The following RCAN2 variants were observed in gnomAD, a reference collection of about 807,000 sequenced individuals.
RCAN2 encodes calcipressin-2.
RCAN2 carries 9 observed loss-of-function variants against 23.6 expected under a neutral mutation model. The observed-to-expected ratio is 0.38, with a 90% CI of 0.23 to 0.67. The LOEUF (loss-of-function observed/expected upper bound fraction) is 0.67. Among genes scored for constraint, RCAN2 ranks in the 30% least tolerant of loss-of-function variants. RCAN2 has a pLI of 0.51. For missense variants in RCAN2, 273 were observed against 302.3 expected (o/e 0.90, Z 0.72); for synonymous variants, 109 against 115.7 (o/e 0.94, Z 0.37).
At chr6:46,299,933 C>T (rs1255513562) in intron 2 of RCAN2, among the ~76,000 whole-genome samples, 1 of 151,512 alleles carries the variant, frequency 6.6e-6, no homozygotes, top group Non-Finnish European at 1.5e-5. Context: ...GGTGATCATA[C>T]CAATGATATG....
intron 2 of RCAN2, among the ~76,000 whole-genome samples, chr6:46,427,522 T>C (rs73735758): frequency 0.034 from 5,220 of 152,316 alleles, 175 homozygotes; most frequent in South Asian, 0.12. Flanking sequence ...ATTTAGCAAC[T>C]ATCTTTCATC....
intron 1 of RCAN2, among the ~76,000 whole-genome samples, chr6:46,458,045 G>A (rs929004020): frequency 2.3e-4 from 35 of 152,066 alleles, no homozygotes; most frequent in African/African-American, 6.5e-4. Context: ...TAAGAGGCTC[G>A]GAAAGTGAAA....
chr6:46,433,078 GT>G (rs1431748738), intron 2 of RCAN2, among the ~76,000 whole-genome samples: 1 of 152,064 alleles, frequency 6.6e-6, no homozygotes, highest in Non-Finnish European at 1.5e-5. Flanking sequence ...ACCTCTATGT[GT>G]CATAAGAAAT....
chr6:46,491,674 T>C (rs1769160074), upstream of RCAN2, among the ~76,000 whole-genome samples: 1 of 151,114 alleles, frequency 6.6e-6, no homozygotes, highest in African/African-American at 2.4e-5. Context: ...TCCTTTCCAC[T>C]TCAGGTGCCC....
chr6:46,384,862 T>A (rs1412711402), intron 2 of RCAN2, among the ~76,000 whole-genome samples: 3 of 152,274 alleles, frequency 2.0e-5, no homozygotes, highest in Admixed American at 2.0e-4. Flanking sequence ...AATGGATATA[T>A]ACATTCGTCA....
intron 4 of RCAN2, among the ~76,000 whole-genome samples, chr6:46,241,739 C>T (rs984716002): frequency 8.5e-5 from 13 of 152,142 alleles, no homozygotes; most frequent in South Asian, 8.3e-4. Context: ...GTAGCTGTGT[C>T]GCCTTGGGCA....
chr6:46,348,579 G>T (rs1050944175), intron 2 of RCAN2, among the ~76,000 whole-genome samples: 3 of 152,104 alleles, frequency 2.0e-5, no homozygotes, highest in African/African-American at 7.2e-5. Flanking sequence ...TGGGAATCAG[G>T]GTTCAGGCTC....
At chr6:46,240,243 C>T (rs542398079) in intron 4 of RCAN2, among the ~76,000 whole-genome samples, 27 of 152,176 alleles carry the variant, frequency 1.8e-4, no homozygotes, top group Non-Finnish European at 3.5e-4. Context: ...GTAAACACTA[C>T]AATGATTCTT....
chr6:46,426,923 C>T (rs1398933482), intron 2 of RCAN2, among the ~76,000 whole-genome samples: 1 of 152,138 alleles, frequency 6.6e-6, no homozygotes, highest in Non-Finnish European at 1.5e-5. Flanking sequence ...AGTAGCAAAC[C>T]TGTATGTGAA....
intron 4 of RCAN2, among the ~76,000 whole-genome samples, chr6:46,229,925 T>G (rs1765819501): frequency 6.6e-6 from 1 of 152,222 alleles, no homozygotes; most frequent in Non-Finnish European, 1.5e-5. Context: ...ACCTTTGGTC[T>G]TTGATGATGG....
At chr6:46,424,891 C>T (rs1002514761) in intron 2 of RCAN2, among the ~76,000 whole-genome samples, 2 of 152,084 alleles carry the variant, frequency 1.3e-5, no homozygotes, top group South Asian at 2.1e-4. Flanking sequence ...ATATTGGGGG[C>T]GTGCTAGATA....
chr6:46,321,222 C>T (rs1035710009), intron 2 of RCAN2, among the ~76,000 whole-genome samples: 1 of 152,208 alleles, frequency 6.6e-6, no homozygotes, highest in African/African-American at 2.4e-5. Context: ...TGCTCTATCT[C>T]TCACTCTGCT....
intron 2 of RCAN2, among the ~76,000 whole-genome samples, chr6:46,302,968 C>T (rs1762952238): frequency 6.6e-6 from 1 of 151,984 alleles, no homozygotes; most frequent in Non-Finnish European, 1.5e-5. Context: ...TCCCAAGAGC[C>T]TCAGTCAACC....
At chr6:46,390,418 A>G (rs774379237) in intron 2 of RCAN2, among the ~76,000 whole-genome samples, 19 of 152,216 alleles carry the variant, frequency 1.2e-4, no homozygotes, top group Non-Finnish European at 2.4e-4. Context: ...TCCAAAACCC[A>G]GGGCTGAGCC....
At chr6:46,342,262 C>A (rs1764344852) in intron 2 of RCAN2, among the ~76,000 whole-genome samples, 1 of 152,112 alleles carries the variant, frequency 6.6e-6, no homozygotes, top group African/African-American at 2.4e-5. Flanking sequence ...GGCAAATGCT[C>A]TATTAAAGAA....
chr6:46,235,699 C>A (rs1001510085), intron 4 of RCAN2, among the ~76,000 whole-genome samples: 2 of 152,158 alleles, frequency 1.3e-5, no homozygotes, highest in African/African-American at 4.8e-5. Context: ...TCTCTTTCAT[C>A]ATTTGTAATC....
intron 2 of RCAN2, among the ~76,000 whole-genome samples, chr6:46,342,237 GA>G (rs543248375): frequency 6.6e-6 from 1 of 152,144 alleles, no homozygotes; most frequent in East Asian, 1.9e-4. Flanking sequence ...AATAAGTAAG[GA>G]AAAAGAGTAT....
At chr6:46,463,377 C>T (rs535290034) in intron 1 of RCAN2, among the ~76,000 whole-genome samples, 15 of 152,286 alleles carry the variant, frequency 9.8e-5, no homozygotes, top group Non-Finnish European at 1.5e-4. Context: ...TAAGGAGCCA[C>T]GGATCTTTTA....
intron 4 of RCAN2, among the ~76,000 whole-genome samples, chr6:46,241,914 TTTTA>T (rs778359865): frequency 2.4e-4 from 37 of 152,312 alleles, no homozygotes; most frequent in East Asian, 3.9e-4. Context: ...TTTAAGTCAT[TTTTA>T]TTTATTTATT....
Sources: gnomAD v4.1 joint callset for allele counts (sites outside exome capture counted in the v4.1 genomes callset) on GRCh38, gnomAD v4.1.1 for gene constraint, MANE v1.5 for transcripts, NCBI Gene and HGNC (gene_info 2026-07-23, HGNC 2026-07-21) for gene names.